IL1RAPL2: variants seen among roughly 807,000 people sequenced by gnomAD.
IL1RAPL2 encodes interleukin 1 receptor accessory protein like 2.
A neutral mutation model predicts 44.1 loss-of-function variants in IL1RAPL2; 3 were observed. The observed-to-expected ratio is 0.07, with a 90% CI of 0.03 to 0.18. The LOEUF (loss-of-function observed/expected upper bound fraction) is 0.18, where lower values mean the gene tolerates loss of function less well. Ranked by LOEUF, IL1RAPL2 falls within the 10% of genes least tolerant of loss-of-function variation. IL1RAPL2 has a pLI of 1.00. For missense variants in IL1RAPL2, 391 were observed against 496.4 expected (o/e 0.79, Z 2.02); for synonymous variants, 181 against 178.8 (o/e 1.01, Z -0.10).
chrX:104,737,496 C>T (rs1932033765), intron 2 of IL1RAPL2, among the ~76,000 whole-genome samples: 1 of 112,049 alleles, frequency 8.9e-6, no homozygotes, highest in Admixed American at 9.5e-5. Flanking sequence ...AGAATCATTA[C>T]AGCTTATTAA....
At chrX:104,804,888 A>G (rs1003246151) in intron 2 of IL1RAPL2, among the ~76,000 whole-genome samples, 1 of 112,399 alleles carries the variant, frequency 8.9e-6, no homozygotes, top group African/African-American at 3.2e-5. Flanking sequence ...AAATTAGGTA[A>G]CACAGGAGAT....
At chrX:105,035,361 G>A (rs181028191) in intron 2 of IL1RAPL2, among the ~76,000 whole-genome samples, 278 of 111,993 alleles carry the variant, frequency 2.5e-3, no homozygotes, top group African/African-American at 7.6e-3. Flanking sequence ...GACTGGAGCT[G>A]TTCCTATTCG....
intron 1 of IL1RAPL2, among the ~76,000 whole-genome samples, chrX:104,641,308 T>G (rs2148016140): frequency 9.0e-6 from 1 of 111,459 alleles, no homozygotes; most frequent in African/African-American, 3.3e-5. Flanking sequence ...CTACGTACTC[T>G]GCCTTGGGGT....
intron 2 of IL1RAPL2, among the ~76,000 whole-genome samples, chrX:104,952,713 T>C (rs780597765): frequency 3.6e-5 from 4 of 111,760 alleles, no homozygotes; most frequent in Non-Finnish European, 7.5e-5. Context: ...CATCAGCTGA[T>C]AAAGCTACAA....
In IL1RAPL2 at chrX:105,000,031, A is replaced by G. The variant is rs184692780; in HGVS notation, c.83-195444A>G. Among the ~76,000 whole-genome samples, 816 of 108,509 alleles carry G rather than the reference A, an allele frequency of 7.5e-3. 1 individual carries two copies. The highest frequency in any genetic ancestry group is 0.013 in the Non-Finnish European group (672 of 52,271). 94.2% of individuals were successfully genotyped at this position (108,509 alleles called of 115,157 possible). ...TTCTTTTAAGTATCTTTGTTCCTCT[A>G]TAGCTCCTCTGTCCTTCCTCAACTT... On this transcript the variant is annotated intron_variant, in intron 2 of 10. Transcript: ENST00000372582.
chrX:105,199,481 T>C (rs1556144246), intron 3 of IL1RAPL2, among the ~76,000 whole-genome samples: 1 of 110,937 alleles, frequency 9.0e-6, no homozygotes, highest in African/African-American at 3.3e-5. Context: ...TGCTCATTGC[T>C]ATTGGGGTGT....
At chrX:104,952,281 T>G (rs891977097) in intron 2 of IL1RAPL2, among the ~76,000 whole-genome samples, 6 of 112,194 alleles carry the variant, frequency 5.3e-5, no homozygotes, top group African/African-American at 1.3e-4. Flanking sequence ...CACTTTAAAA[T>G]AAAGTTGGCA....
At position 105,079,659 on chromosome X, in the gene IL1RAPL2, A is replaced by G. The variant is rs754099415; in HGVS notation, c.83-115816A>G. Reference sequence around the variant, plus strand: ...TATTGTGAATAGTGCTGCAATAAACATATGTGTCCATGTGTCTTTATAGTA... The same window carrying G: ...TATTGTGAATAGTGCTGCAATAAACGTATGTGTCCATGTGTCTTTATAGTA... On this transcript the variant is annotated intron_variant, in intron 2 of 10. Transcript: ENST00000372582. 1.1e-3 allele frequency among the ~76,000 whole-genome samples: 118 copies of G among 109,363 alleles called. 1 individual carries two copies. Among genetic ancestry groups the G allele is most frequent in the African/African-American group, 3.7e-3 (111 of 30,101 alleles). 95.0% of individuals were successfully genotyped at this position (109,363 alleles called of 115,157 possible). A position where few individuals can be genotyped will look rare whatever the true frequency, so the allele number is the denominator to read the frequency against.
chrX:105,335,994 T>C (rs1037020976), intron 5 of IL1RAPL2, among the ~76,000 whole-genome samples: 1 of 112,121 alleles, frequency 8.9e-6, no homozygotes, highest in East Asian at 2.8e-4. Context: ...AGTACAGTTA[T>C]TGGTTAAGAT....
At chrX:104,677,477 G>A (rs1569295586) in intron 2 of IL1RAPL2, among the ~76,000 whole-genome samples, 1 of 111,046 alleles carries the variant, frequency 9.0e-6, no homozygotes, top group African/African-American at 3.3e-5. Flanking sequence ...GCTGCGTGCT[G>A]GGAGAACCAC....
At chrX:105,091,573 G>A (rs1224351754) in intron 2 of IL1RAPL2, among the ~76,000 whole-genome samples, 1 of 111,727 alleles carries the variant, frequency 9.0e-6, no homozygotes, top group Non-Finnish European at 1.9e-5. Context: ...GTACATGTAG[G>A]CTATATGGTG....
At chrX:105,456,838 A>G (rs2036058176) in intron 5 of IL1RAPL2, among the ~76,000 whole-genome samples, 2 of 110,508 alleles carry the variant, frequency 1.8e-5, no homozygotes, top group Non-Finnish European at 3.8e-5. Flanking sequence ...AATATGTAAG[A>G]TTTCAATTAT....
chrX:104,674,981 TTCTC>T (rs1193026302), intron 2 of IL1RAPL2, among the ~76,000 whole-genome samples: 1 of 111,390 alleles, frequency 9.0e-6, no homozygotes, highest in African/African-American at 3.3e-5. Context: ...TATTTGATTC[TTCTC>T]TCTTTTCTTC....
chrX:105,241,737 T>A (rs12394678), intron 4 of IL1RAPL2, among the ~76,000 whole-genome samples: 15,618 of 111,513 alleles, frequency 0.14, 2,068 homozygotes, highest in African/African-American at 0.42. Flanking sequence ...TTAGCCAATA[T>A]GTTCACATGT....
At chrX:105,116,057 G>A (rs998973129) in intron 2 of IL1RAPL2, among the ~76,000 whole-genome samples, 4 of 112,708 alleles carry the variant, frequency 3.5e-5, no homozygotes, top group Admixed American at 9.3e-5. Context: ...CTGCAAGCGC[G>A]TGCGCAGCCC....
At position 105,717,411 on chromosome X, in the gene IL1RAPL2, G is replaced by A. The variant is rs1276191600; in HGVS notation, c.817G>A (p.Gly273Arg). The A allele has an allele frequency of 8.3e-7, 1 of 1,202,874 alleles. No individual in the cohort carries two copies. Among genetic ancestry groups the A allele is most frequent in the Admixed American group, 2.2e-5 (1 of 45,694 alleles). Reference protein sequence around the residue: ...IPCKAFFGFSGESGPMIYWMK... With the variant: ...IPCKAFFGFSRESGPMIYWMK... ...CTGCAAAGCATTCTTCGGATTCAGTGGAGAGTCTGGGCCAATGATCTACTG... is the reference window on the plus strand; with the variant it reads ...CTGCAAAGCATTCTTCGGATTCAGTAGAGAGTCTGGGCCAATGATCTACTG... The change falls in exon 7 of 11, where the codon GGA (glycine) becomes AGA (arginine). Residue 273 changes from glycine to arginine, a missense_variant. This residue lies in a region of IL1RAPL2 where 159 missense variants were observed against 251.7 expected (regional missense o/e 0.63). Coordinates refer to ENST00000372582, the MANE Select transcript of IL1RAPL2 (RefSeq NM_017416.2).
chrX:104,730,637 G>C (rs1931893256), intron 2 of IL1RAPL2, among the ~76,000 whole-genome samples: 1 of 104,820 alleles, frequency 9.5e-6, no homozygotes, highest in African/African-American at 3.4e-5. Flanking sequence ...GGACATTTGG[G>C]TTGGTTCCAA....
chrX:104,717,732 G>A (rs1931598059), intron 2 of IL1RAPL2, among the ~76,000 whole-genome samples: 1 of 109,321 alleles, frequency 9.1e-6, no homozygotes. Flanking sequence ...TTTAGCGTTA[G>A]GTATCTCTCC....
intron 2 of IL1RAPL2, among the ~76,000 whole-genome samples, chrX:104,827,222 G>C (rs996961185): frequency 9.1e-6 from 1 of 110,494 alleles, no homozygotes; most frequent in African/African-American, 3.3e-5. Flanking sequence ...TCATAGTACT[G>C]ATGGTCTTTA....
Sources: gnomAD v4.1 joint callset for allele counts (sites outside exome capture counted in the v4.1 genomes callset) on GRCh38, gnomAD v4.1.1 for gene constraint, gnomAD v4.1.1 regional missense constraint, MANE v1.5 for transcripts, NCBI Gene and HGNC (gene_info 2026-07-23, HGNC 2026-07-21) for gene names.